Variants in HSD17B11 observed in about 807,000 individuals in gnomAD.
HSD17B11 encodes estradiol 17-beta-dehydrogenase 11.
HSD17B11 carries 22 observed loss-of-function variants against 27.8 expected under a neutral mutation model. The observed-to-expected ratio is 0.79, with a 90% confidence interval of 0.56 to 1.13. The LOEUF is 1.13. Ranked by LOEUF, HSD17B11 falls within the 50% of genes most tolerant of loss-of-function variation. HSD17B11 has a pLI of 0.00. For missense variants in HSD17B11, 314 were observed against 351.1 expected, an observed-to-expected ratio of 0.89 and a Z score of 0.84; for synonymous variants, 117 against 132.8, an observed-to-expected ratio of 0.88 and a Z score of 0.82.
Position 87,391,005 on chromosome 4 carries a change from G to C in HSD17B11, c.66C>G (p.Phe22Leu). 1 of 1,614,002 alleles carries C rather than the reference G, an allele frequency of 6.2e-7. No homozygotes were observed. Among genetic ancestry groups the C allele is most frequent in the Non-Finnish European group, 8.5e-7 (1 of 1,180,004 alleles). The change falls in exon 1 of 7, where the codon TTC becomes TTG. Residue 22 changes from phenylalanine to leucine, a missense_variant. Physicochemically the swap from Phe to Leu is conservative, Grantham distance 22. Coordinates refer to ENST00000358290, the MANE Select transcript of HSD17B11 (RefSeq NM_016245.5). The part of the protein sequence containing the change: ...PLLIVCSLES[F>L]VKLFIPKRRK... ...TCCTCTTAGGAATAAAAAGCTTCAC[G>C]AAGGACTCTAGGGAGCAGACGATCA...
intron 4 of HSD17B11, among the ~76,000 whole-genome samples, chr4:87,360,891 C>T (rs533314620): frequency 1.3e-5 from 2 of 152,222 alleles, no homozygotes; most frequent in East Asian, 1.9e-4. Flanking sequence ...CGATGTTGCA[C>T]ATAATATTTA....
At chr4:87,364,021 A>G (rs1214080602) in intron 4 of HSD17B11, among the ~76,000 whole-genome samples, 3 of 152,252 alleles carry the variant, frequency 2.0e-5, no homozygotes, top group African/African-American at 7.2e-5. Context: ...GTGAAAAGTC[A>G]GCTTAATTAA....
chr4:87,384,736 G>C (rs547585817), intron 1 of HSD17B11, among the ~76,000 whole-genome samples: 2 of 147,870 alleles, frequency 1.4e-5, no homozygotes, highest in African/African-American at 5.3e-5. Context: ...CTCTGCTCTC[G>C]AACCCTGTTT....
chr4:87,382,557 T>C (rs1720204753), intron 1 of HSD17B11, among the ~76,000 whole-genome samples, 195 bp from the exon 2 acceptor site: 1 of 152,218 alleles, frequency 6.6e-6, no homozygotes, highest in African/African-American at 2.4e-5. Context: ...CTTCTTTTAT[T>C]TGGAGCTGAA....
chr4:87,347,103 A>ATTTTTTTTTTTTTTTTTTTT (rs763068482), intron 5 of HSD17B11, among the ~76,000 whole-genome samples: 1 of 62,594 alleles, frequency 1.6e-5, no homozygotes, highest in Non-Finnish European at 2.7e-5. Context: ...AGTATTCTGG[A>ATTTTTTTTTTTTTTTTTTTT]TTTTTTTTTT....
chr4:87,384,721 C>T lies in HSD17B11; in HGVS notation c.211-2359G>A, dbSNP rs565221254. ...TGCCCTGGTAAATCTGTGGTCAGAC[C>T]GGTTCTCTGCTCTCGAACCCTGTTT... On this transcript the variant is annotated intron_variant, in intron 1 of 6. Transcript: ENST00000358290. Among the ~76,000 whole-genome samples, 11 of 150,962 alleles carry T rather than the reference C, an allele frequency of 7.3e-5. No individual in the cohort carries two copies. The East Asian group carries it at 1.2e-3, about 16-fold the overall frequency.
At chr4:87,360,513 G>T (rs918189107) in intron 4 of HSD17B11, among the ~76,000 whole-genome samples, 5 of 152,192 alleles carry the variant, frequency 3.3e-5, no homozygotes, top group Non-Finnish European at 1.5e-5. Flanking sequence ...CAGCATTTGT[G>T]TCCCCTTGTT....
intron 4 of HSD17B11, among the ~76,000 whole-genome samples, chr4:87,372,422 CTATTAAAA>C (rs1467539977): frequency 6.6e-6 from 1 of 151,792 alleles, no homozygotes; most frequent in Non-Finnish European, 1.5e-5. Context: ...TAATTTCTTG[CTATTAAAA>C]GAGATGAGAA....
At chr4:87,368,321 AAAC>A (rs1203219436) in intron 4 of HSD17B11, among the ~76,000 whole-genome samples, 1 of 152,234 alleles carries the variant, frequency 6.6e-6, no homozygotes, top group African/African-American at 2.4e-5. Context: ...CATCTCAAAA[AAAC>A]AAAAAACACA....
At chr4:87,355,889 G>A (rs1735373936) in intron 5 of HSD17B11, among the ~76,000 whole-genome samples, 1 of 149,750 alleles carries the variant, frequency 6.7e-6, no homozygotes, top group African/African-American at 2.5e-5. Context: ...GGGCAACAGA[G>A]TGAAACCCTG....
intron 4 of HSD17B11, among the ~76,000 whole-genome samples, chr4:87,363,852 T>G (rs994942941): frequency 6.6e-6 from 1 of 152,222 alleles, no homozygotes; most frequent in African/African-American, 2.4e-5. Context: ...TATGTGTCTA[T>G]TCTCTTCTCC....
chr4:87,342,770 C>T (rs1265929003), intron 5 of HSD17B11, among the ~76,000 whole-genome samples: 3 of 151,924 alleles, frequency 2.0e-5, no homozygotes, highest in African/African-American at 7.3e-5. Flanking sequence ...ATTGTGTTCA[C>T]CATGGGACCT....
rs141275746 is a variant in HSD17B11, at chr4:87,354,037, C to T, written c.695+3242G>A. On this transcript the variant is annotated intron_variant, in intron 5 of 6. Transcript: ENST00000358290. ...CTTGTTTAATACTGATAAATTTAAA[C>T]ATTGACCTCTAAAATATACACTCTT... is the stretch of plus-strand genomic sequence containing the variant. Among the ~76,000 whole-genome samples the T allele has an allele frequency of 8.2e-3, 1,254 of 152,176 alleles. 12 individuals are homozygous for T. Among genetic ancestry groups the T allele is most frequent in the African/African-American group, 0.028 (1,178 of 41,522 alleles).
intron 2 of HSD17B11, among the ~76,000 whole-genome samples, chr4:87,379,359 T>C (rs913825603): frequency 6.6e-6 from 1 of 151,302 alleles, no homozygotes; most frequent in South Asian, 2.1e-4. Flanking sequence ...CTGTATATAA[T>C]GGGGTTTCAC....
At chr4:87,382,186 G>C in intron 2 of HSD17B11, 69 bp downstream of exon 2, 1 of 1,121,660 alleles carries the variant, frequency 8.9e-7, no homozygotes, top group Non-Finnish European at 1.4e-6. Flanking sequence ...ATCATGTACA[G>C]ACTGGGTCAT....
At chr4:87,345,913 T>C (rs1346937570) in intron 5 of HSD17B11, among the ~76,000 whole-genome samples, 1 of 152,064 alleles carries the variant, frequency 6.6e-6, no homozygotes, top group Non-Finnish European at 1.5e-5. Context: ...CCCAAAAAAA[T>C]AGAAGAGGAG....
chr4:87,357,154 A>C (rs1735403241), intron 5 of HSD17B11, 125 bp downstream of exon 5: 3 of 1,051,558 alleles, frequency 2.9e-6, no homozygotes, highest in Non-Finnish European at 4.0e-6. Context: ...GCAGAAACTG[A>C]AATCAAAATG....
intron 4 of HSD17B11, among the ~76,000 whole-genome samples, chr4:87,368,027 T>C (rs1735639234): frequency 6.6e-6 from 1 of 152,138 alleles, no homozygotes; most frequent in Non-Finnish European, 1.5e-5. Context: ...TTGTCAAAAC[T>C]CAAGAGTCGG....
intron 4 of HSD17B11, among the ~76,000 whole-genome samples, chr4:87,370,869 C>T (rs1735702773): frequency 8.0e-6 from 1 of 124,840 alleles, no homozygotes; most frequent in African/African-American, 3.7e-5. Flanking sequence ...TCTCCTGCCT[C>T]AGCCTCCCGA....
Sources: allele counts gnomAD v4.1 joint callset (sites outside exome capture counted in the v4.1 genomes callset), GRCh38; gene constraint gnomAD v4.1.1; transcripts MANE v1.5; gene names NCBI Gene and HGNC (gene_info 2026-07-23, HGNC 2026-07-21).